RPS6KA1: variants seen among roughly 807,000 people sequenced by gnomAD.
The protein encoded by RPS6KA1 is ribosomal protein S6 kinase A1.
In RPS6KA1, 48 loss-of-function variants were observed where a neutral mutation model predicts 91.3. The ratio of observed to expected loss-of-function variants is 0.53; its 90% CI spans 0.42 to 0.67. The LOEUF is 0.67. RPS6KA1 is among the 30% of genes least tolerant of loss of function. RPS6KA1 has a pLI of 0.00. For missense variants in RPS6KA1, 719 were observed against 960.5 expected, an observed-to-expected ratio of 0.75 and a Z score of 3.32; for synonymous variants, 359 against 384.7, an observed-to-expected ratio of 0.93 and a Z score of 0.78.
At chr1:26,559,212 G>A (rs1445479239) in intron 14 of RPS6KA1, among the ~76,000 whole-genome samples, 1 of 152,134 alleles carries the variant, frequency 6.6e-6, no homozygotes, top group African/African-American at 2.4e-5. Flanking sequence ...TCGTGTCTCC[G>A]GCATAAGTGT....
At position 26,558,987 on chromosome 1, in the gene RPS6KA1, C is replaced by T; in HGVS notation, c.1215+50C>T. The stretch of plus-strand genomic sequence containing the variant: ...TCCATTATCCTTTTCTAAAGAATGG[C>T]TGAGTACACAGGCTCTGAGTTGGAC... On this transcript the variant is annotated intron_variant, in intron 14 of 21. Transcript: ENST00000374168. This position sits in a 1 kb window ranked among gnomAD's most constrained non-coding sequence, Gnocchi z 4.0. The T allele has an allele frequency of 6.3e-7, 1 of 1,582,536 alleles. No homozygotes were observed. The highest frequency in any genetic ancestry group is 8.6e-7 in the Non-Finnish European group (1 of 1,157,122).
At chr1:26,550,251 C>T (rs1461078278) in intron 4 of RPS6KA1, among the ~76,000 whole-genome samples, 1 of 143,156 alleles carries the variant, frequency 7.0e-6, no homozygotes, top group Admixed American at 7.5e-5. Flanking sequence ...GGCGTGATCT[C>T]GGCTCACTGC....
Position 26,555,475 on chromosome 1 carries a change from C to T in RPS6KA1, c.828-62C>T. On this transcript the variant is annotated intron_variant, in intron 10 of 21. Coordinates refer to ENST00000374168, the MANE Select transcript of RPS6KA1 (RefSeq NM_002953.4). The surrounding 1 kb of genome is among the most constrained non-coding windows in gnomAD (Gnocchi z 4.3). Reference sequence around the variant, plus strand: ...GCTGGGAACTAGATCTGGACAGGGGCCGGGGGAGATGGGGCCTCTGGGGCA... The same window carrying T: ...GCTGGGAACTAGATCTGGACAGGGGTCGGGGGAGATGGGGCCTCTGGGGCA... 10 of 1,467,918 alleles carry T rather than the reference C, an allele frequency of 6.8e-6. No homozygotes were observed. The highest frequency in any genetic ancestry group is 9.3e-6 in the Non-Finnish European group (10 of 1,071,512). 90.9% of individuals were successfully genotyped at this position (1,467,918 alleles called of 1,614,324 possible). A position where few individuals can be genotyped will look rare whatever the true frequency, so the allele number is the denominator to read the frequency against.
At position 26,559,583 on chromosome 1, in the gene RPS6KA1, T is replaced by A. The variant is rs193267404; in HGVS notation, c.1215+646T>A. 1.4e-4 allele frequency among the ~76,000 whole-genome samples: 21 copies of A among 151,232 alleles called. No individual in the cohort carries two copies. In the East Asian group the frequency reaches 4.1e-3, roughly 30 times the overall value. The stretch of plus-strand genomic sequence containing the variant: ...TTAGTAGAGACGGGGTTTTACCATG[T>A]TGGCTAGGCTGGTGTCAAACTCCTG... On this transcript the variant is annotated intron_variant, in intron 14 of 21. Transcript: ENST00000374168.
chr1:26,574,190 A>G lies in RPS6KA1; in HGVS notation c.2197A>G (p.Thr733Ala). Residue 733 changes from threonine (T) to alanine (A), a missense_variant, in exon 22 of 22, where the codon ACC becomes GCC. By Grantham distance (58) the Thr-to-Ala change is moderately conservative. Coordinates refer to ENST00000374168, the MANE Select transcript of RPS6KA1 (RefSeq NM_002953.4). The surrounding 1 kb of genome is among the most constrained non-coding windows in gnomAD (Gnocchi z 4.3). The stretch of plus-strand genomic sequence containing the variant: ...GCGGCGAGTGAGGAAGTTGCCATCC[A>G]CCACCCTGTGAGGCACCAGGGCATT... ...AQRRVRKLPS[T>A]TL 1 of 1,614,006 alleles carries G rather than the reference A, an allele frequency of 6.2e-7. No homozygotes were observed. Among genetic ancestry groups the G allele is most frequent in the Non-Finnish European group, 8.5e-7 (1 of 1,179,996 alleles).
At chr1:26,565,638 T>C (rs1052822911) in intron 17 of RPS6KA1, among the ~76,000 whole-genome samples, 4 of 152,078 alleles carry the variant, frequency 2.6e-5, no homozygotes, top group Non-Finnish European at 5.9e-5. Flanking sequence ...TTTGGCTCAC[T>C]GCAACCTCTG....
intron 4 of RPS6KA1, among the ~76,000 whole-genome samples, chr1:26,549,128 C>T (rs560690637): frequency 6.7e-6 from 1 of 150,052 alleles, no homozygotes; most frequent in African/African-American, 2.5e-5. Flanking sequence ...GATGGATGGA[C>T]TAGTGAAGGC....
In RPS6KA1 at chr1:26,574,918, G is replaced by A. The variant is rs976210760; in HGVS notation, c.*717G>A. 1 of 178,440 alleles carries A rather than the reference G, an allele frequency of 5.6e-6. No individual in the cohort carries two copies. The highest frequency in any genetic ancestry group is 2.4e-5 in the African/African-American group (1 of 41,722). The allele number at this position is 178,440 out of a possible 1,614,324, so 11.1% of individuals were successfully genotyped here. A position where few individuals can be genotyped will look rare whatever the true frequency, so the allele number is the denominator to read the frequency against. ...GTTGGCAACAGGACAGAGTTCACAG[G>A]AGGCCAGTGGGCGGGCCATGAGGGA... On this transcript the variant is annotated 3_prime_UTR_variant, in exon 22 of 22. Coordinates refer to ENST00000374168, the MANE Select transcript of RPS6KA1 (RefSeq NM_002953.4). The surrounding 1 kb of genome is among the most constrained non-coding windows in gnomAD (Gnocchi z 4.3).
intron 1 of RPS6KA1, 131 bp downstream of exon 1, chr1:26,530,114 C>T: frequency 1.3e-5 from 6 of 477,740 alleles, no homozygotes; most frequent in Non-Finnish European, 1.9e-5. Context: ...CGATCTCTTG[C>T]CCACTGTCCG....
rs999215935 is a variant in RPS6KA1 at position 26,529,997 on chromosome 1, G to C, written c.63+14G>C. On this transcript the variant is annotated intron_variant, in intron 1 of 21. Coordinates refer to ENST00000374168, the MANE Select transcript of RPS6KA1 (RefSeq NM_002953.4). The surrounding 1 kb of genome is among the most constrained non-coding windows in gnomAD (Gnocchi z 4.2). The stretch of plus-strand genomic sequence containing the variant: ...CTGGACCCGGAGGTGAGTGAGCGGG[G>C]CGGGGGACGGGCGCCCGCGGCCGGC... 1 of 1,350,558 alleles carries C rather than the reference G, an allele frequency of 7.4e-7. No individual in the cohort carries two copies. The highest frequency in any genetic ancestry group is 9.5e-7 in the Non-Finnish European group (1 of 1,049,398). The allele number at this position is 1,350,558 out of a possible 1,614,324, so 83.7% of individuals were successfully genotyped here.
At chr1:26,562,825 C>CCTTTTTTTTTTTTTTTTTTTTTTTT in intron 17 of RPS6KA1, among the ~76,000 whole-genome samples, 1 of 81,432 alleles carries the variant, frequency 1.2e-5, no homozygotes, top group Non-Finnish European at 2.3e-5. Context: ...TCCTATTGTC[C>CCTTTTTTTTTTTTTTTTTTTTTTTT]TTTTTTTTTT....
rs1173578317 is a variant in RPS6KA1, at chr1:26,574,132, G to A, written c.2139G>A (p.Gln713=). The change falls in exon 22 of 22, where the codon CAG becomes CAA. Residue 713 remains glutamine, a synonymous_variant. Coordinates refer to ENST00000374168, the MANE Select transcript of RPS6KA1 (RefSeq NM_002953.4). The surrounding 1 kb of genome is among the most constrained non-coding windows in gnomAD (Gnocchi z 4.3). ...SALNSSKPTP[Q]LKPIESSILA... The stretch of plus-strand genomic sequence containing the variant: ...TCAACAGCTCCAAGCCCACCCCCCA[G>A]CTGAAGCCCATCGAGTCATCCATCC... The A allele has an allele frequency of 1.2e-6, 2 of 1,614,112 alleles. No homozygotes were observed. The highest frequency in any genetic ancestry group is 1.7e-6 in the Non-Finnish European group (2 of 1,180,024).
chr1:26,566,771 C>G (rs1027846716), intron 17 of RPS6KA1, among the ~76,000 whole-genome samples: 1 of 152,086 alleles, frequency 6.6e-6, no homozygotes, highest in Non-Finnish European at 1.5e-5. Flanking sequence ...TATGTGGAGT[C>G]TTCTTAAGTC....
At chr1:26,543,057 G>C (rs1326202440) in intron 2 of RPS6KA1, 1 of 1,257,158 alleles carries the variant, frequency 8.0e-7, no homozygotes, top group Non-Finnish European at 1.1e-6. Context: ...AGGGGGAAGT[G>C]AGAAGGAGGG....
chr1:26,548,783 G>C (rs776175763), intron 4 of RPS6KA1, among the ~76,000 whole-genome samples: 5 of 150,558 alleles, frequency 3.3e-5, no homozygotes, highest in South Asian at 4.2e-4. Flanking sequence ...TGGGCGATGA[G>C]AGCGAAACTC....
In RPS6KA1 at chr1:26,529,874, C is replaced by G; in HGVS notation, c.-47C>G. 7.2e-7 allele frequency: 1 copy of G among 1,384,464 alleles called. No homozygotes were observed. The highest frequency in any genetic ancestry group is 2.7e-4 in the Middle Eastern group (1 of 3,764). 85.8% of individuals were successfully genotyped at this position (1,384,464 alleles called of 1,614,324 possible). A position where few individuals can be genotyped will look rare whatever the true frequency, so the allele number is the denominator to read the frequency against. ...AGGGACCCCAGGACCCGGGAGGCGG[C>G]GCAGCCGGGGCCGCCGGAGGAGCGC... On this transcript the variant is annotated 5_prime_UTR_variant, in exon 1 of 22. Transcript: ENST00000374168. The surrounding 1 kb of genome is among the most constrained non-coding windows in gnomAD (Gnocchi z 4.2).
In RPS6KA1 at chr1:26,561,293, C is replaced by A. The variant is rs1016531530; in HGVS notation, c.1431+159C>A. On this transcript the variant is annotated intron_variant, in intron 16 of 21. Transcript: ENST00000374168. This position sits in a 1 kb window ranked among gnomAD's most constrained non-coding sequence, Gnocchi z 5.7. ...CTTCAGTCTGCCCATACCCCAAGGG[C>A]CCTCCTTCAGACTCAGACATTTTCT... 6.6e-6 allele frequency among the ~76,000 whole-genome samples: 1 copy of A among 152,138 alleles called. No homozygotes were observed. Among genetic ancestry groups the A allele is most frequent in the Non-Finnish European group, 1.5e-5 (1 of 68,020 alleles).
chr1:26,565,417 C>A (rs773571943), intron 17 of RPS6KA1, among the ~76,000 whole-genome samples: 1 of 151,964 alleles, frequency 6.6e-6, no homozygotes. Flanking sequence ...AGTGAATACA[C>A]CTGTGTAACC....
chr1:26,544,900 C>G (rs1359583434), intron 2 of RPS6KA1, among the ~76,000 whole-genome samples: 1 of 151,460 alleles, frequency 6.6e-6, no homozygotes, highest in Non-Finnish European at 1.5e-5. Context: ...CTGTCTTTAC[C>G]TATTGGGTAT....
Sources: allele counts gnomAD v4.1 joint callset (sites outside exome capture counted in the v4.1 genomes callset), GRCh38; gene constraint gnomAD v4.1.1; non-coding constraint Gnocchi (gnomAD v3.1); transcripts MANE v1.5; gene names NCBI Gene and HGNC (gene_info 2026-07-23, HGNC 2026-07-21).